Variants in STK26 observed in about 807,000 individuals in gnomAD.
STK26 encodes serine/threonine kinase 26, also known as serine/threonine-protein kinase 26.
A neutral mutation model predicts 34.7 loss-of-function variants in STK26; 14 were observed. The observed-to-expected ratio is 0.40, with a 90% CI of 0.27 to 0.63. STK26 has a LOEUF of 0.63. Among genes scored for constraint, STK26 ranks in the 30% least tolerant of loss-of-function variants. STK26 has a pLI of 0.38. For missense variants in STK26, 226 were observed against 309.1 expected (o/e 0.73, Z 2.02); for synonymous variants, 100 against 109.8 (o/e 0.91, Z 0.56).
chrX:132,034,434 G>A (rs967536361), intron 2 of STK26, among the ~76,000 whole-genome samples: 2 of 103,443 alleles, frequency 1.9e-5, no homozygotes, highest in Admixed American at 1.1e-4. Context: ...AGCCTCCCGA[G>A]TAGCTGGGAC....
intron 2 of STK26, among the ~76,000 whole-genome samples, chrX:132,027,293 A>G (rs780848885): frequency 3.7e-4 from 42 of 112,094 alleles, no homozygotes; most frequent in African/African-American, 1.2e-3. Context: ...TATTCAGTAA[A>G]TAACATGAGC....
intron 3 of STK26, among the ~76,000 whole-genome samples, chrX:132,059,632 TTAAA>T (rs1402187036): frequency 2.7e-5 from 3 of 111,874 alleles, no homozygotes; most frequent in African/African-American, 9.7e-5. Flanking sequence ...TTTATAATCT[TTAAA>T]TATTTTTCTA....
At chrX:132,038,406 G>A (rs1926138505) in intron 2 of STK26, among the ~76,000 whole-genome samples, 1 of 111,451 alleles carries the variant, frequency 9.0e-6, no homozygotes. Context: ...TGTCTAAAGA[G>A]TCTTTTTCGT....
At chrX:132,044,688 TAGAGAG>T (rs1556013091) in intron 2 of STK26, among the ~76,000 whole-genome samples, 3 of 43,401 alleles carry the variant, frequency 6.9e-5, no homozygotes, top group African/African-American at 3.5e-4. Context: ...TATATATATA[TAGAGAG>T]AGAGAGAGAG....
intron 2 of STK26, among the ~76,000 whole-genome samples, chrX:132,037,769 CTTTT>C (rs755403402): frequency 9.6e-5 from 5 of 51,870 alleles, no homozygotes; most frequent in African/African-American, 4.4e-4. Flanking sequence ...CGGAGAGCTG[CTTTT>C]TTTTTTTTTT....
chrX:132,068,941 C>T (rs1328233501), intron 6 of STK26, among the ~76,000 whole-genome samples: 2 of 110,574 alleles, frequency 1.8e-5, no homozygotes, highest in Non-Finnish European at 3.8e-5. Context: ...GCCTCAGGAC[C>T]TTTGCATGCC....
At position 132,027,128 on chromosome X, in the gene STK26, C is replaced by T. The variant is rs1175919684; in HGVS notation, c.42+3469C>T. ...TTCTCACTGGAAGTGTTGAAGGCTT[C>T]CAGAAAGTAAGCTGACCCTAAAGTC... On this transcript the variant is annotated intron_variant, in intron 2 of 11. Coordinates refer to ENST00000394334, the MANE Select transcript of STK26 (RefSeq NM_016542.4). 3.6e-5 allele frequency among the ~76,000 whole-genome samples: 4 copies of T among 111,971 alleles called. No homozygotes were observed. The East Asian group carries it at 1.1e-3, about 31-fold the overall frequency.
At chrX:132,032,911 A>T (rs1238826991) in intron 2 of STK26, among the ~76,000 whole-genome samples, 2 of 111,652 alleles carry the variant, frequency 1.8e-5, no homozygotes, top group East Asian at 5.6e-4. Flanking sequence ...TGGAGGAAAT[A>T]CTTCAAGAAC....
At chrX:132,027,022 A>G (rs1337373936) in intron 2 of STK26, among the ~76,000 whole-genome samples, 1 of 112,519 alleles carries the variant, frequency 8.9e-6, no homozygotes, top group African/African-American at 3.2e-5. Context: ...AGATCTTAAA[A>G]TCTTGTTGAG....
chrX:132,057,999 A>G (rs1021842822), intron 3 of STK26, among the ~76,000 whole-genome samples: 3 of 111,848 alleles, frequency 2.7e-5, no homozygotes, highest in Non-Finnish European at 5.6e-5. Context: ...GGAGGTGATA[A>G]TGCTAGTAAT....
chrX:132,043,198 A>C (rs781661203), intron 2 of STK26, among the ~76,000 whole-genome samples: 2 of 112,192 alleles, frequency 1.8e-5, no homozygotes, highest in East Asian at 5.5e-4. Context: ...TGTGCTAAAA[A>C]TTCACCATAA....
intron 2 of STK26, among the ~76,000 whole-genome samples, chrX:132,029,236 T>C (rs1925733824): frequency 1.8e-5 from 2 of 112,091 alleles, no homozygotes; most frequent in Non-Finnish European, 3.8e-5. Context: ...GAATATAATT[T>C]AGCTGGTACT....
At chrX:132,034,818 C>G (rs1387864198) in intron 2 of STK26, among the ~76,000 whole-genome samples, 1 of 110,455 alleles carries the variant, frequency 9.1e-6, no homozygotes, top group Non-Finnish European at 1.9e-5. Context: ...TGGGAAGCAC[C>G]TGGGGGGCTT....
At chrX:132,033,091 T>C (rs1178255024) in intron 2 of STK26, among the ~76,000 whole-genome samples, 3 of 111,440 alleles carry the variant, frequency 2.7e-5, no homozygotes, top group African/African-American at 9.8e-5. Context: ...TGCACTATAG[T>C]ATAAATAACA....
At chrX:132,029,613 G>A (rs912683034) in intron 2 of STK26, among the ~76,000 whole-genome samples, 1 of 110,627 alleles carries the variant, frequency 9.0e-6, no homozygotes, top group African/African-American at 3.3e-5. Flanking sequence ...TCTGTTATAT[G>A]GCTCCTCTCT....
At chrX:132,047,384 C>G (rs1305278141) in intron 2 of STK26, among the ~76,000 whole-genome samples, 1 of 112,058 alleles carries the variant, frequency 8.9e-6, no homozygotes, top group African/African-American at 3.2e-5. Flanking sequence ...CTGCATAAAC[C>G]TAGCACAAAA....
chrX:132,025,268 C>T (rs1267611071), intron 2 of STK26, among the ~76,000 whole-genome samples: 3 of 111,913 alleles, frequency 2.7e-5, no homozygotes, highest in Non-Finnish European at 5.6e-5. Flanking sequence ...ATGCTTCTCG[C>T]TCCATTGTGT....
At chrX:132,048,011 G>T (rs1258793540) in intron 2 of STK26, among the ~76,000 whole-genome samples, 1 of 111,640 alleles carries the variant, frequency 9.0e-6, no homozygotes, top group Non-Finnish European at 1.9e-5. Context: ...CAAAATTTTA[G>T]TTAGGAGGAA....
chrX:132,029,426 T>A (rs1056941098), intron 2 of STK26, among the ~76,000 whole-genome samples: 18 of 111,320 alleles, frequency 1.6e-4, no homozygotes, highest in Admixed American at 9.5e-5. Flanking sequence ...GTAAAAGGTG[T>A]TATGATGTAT....
Sources: allele counts gnomAD v4.1 joint callset (sites outside exome capture counted in the v4.1 genomes callset), GRCh38; gene constraint gnomAD v4.1.1; transcripts MANE v1.5; gene names NCBI Gene and HGNC (gene_info 2026-07-23, HGNC 2026-07-21).